Variants in CAB39L observed in about 807,000 individuals in gnomAD.
CAB39L encodes the protein calcium binding protein 39 like.
A neutral mutation model predicts 39.1 loss-of-function variants in CAB39L; 23 were observed. That is an observed-to-expected ratio of 0.59 (90% CI 0.42 to 0.83). CAB39L has a LOEUF of 0.83. CAB39L is among the 40% of genes least tolerant of loss of function. The pLI is 0.00. For synonymous variants in CAB39L, 126 were observed against 137.2 expected (o/e 0.92, Z 0.57); for missense variants, 366 against 391.9 (o/e 0.93, Z 0.56).
chr13:49,345,565 C>T (rs1955124685), intron 7 of CAB39L, among the ~76,000 whole-genome samples: 1 of 152,106 alleles, frequency 6.6e-6, no homozygotes, highest in African/African-American at 2.4e-5. Flanking sequence ...ATCAGGGGAC[C>T]CTTGAAAGAG....
At chr13:49,389,598 C>T (rs1190387561) in intron 3 of CAB39L, among the ~76,000 whole-genome samples, 1 of 152,122 alleles carries the variant, frequency 6.6e-6, no homozygotes, top group African/African-American at 2.4e-5. Context: ...CCAAGATGTG[C>T]CACTGCACTC....
At chr13:49,332,813 A>G (rs1196096678) in intron 9 of CAB39L, among the ~76,000 whole-genome samples, 1 of 151,846 alleles carries the variant, frequency 6.6e-6, no homozygotes, top group Non-Finnish European at 1.5e-5. Context: ...ACAGAATTAT[A>G]GCCCCCTGGC....
intron 3 of CAB39L, among the ~76,000 whole-genome samples, chr13:49,393,843 A>G (rs529539598): frequency 1.3e-5 from 2 of 151,976 alleles, no homozygotes; most frequent in Non-Finnish European, 2.9e-5. Context: ...ATAAGCAAGA[A>G]TAACAAATTT....
intron 10 of CAB39L, among the ~76,000 whole-genome samples, chr13:49,330,606 C>T (rs1954664183): frequency 6.6e-6 from 1 of 152,008 alleles, no homozygotes; most frequent in African/African-American, 2.4e-5. Flanking sequence ...GCCTGGGCAA[C>T]AGAGCGAGAC....
intron 3 of CAB39L, among the ~76,000 whole-genome samples, chr13:49,385,715 C>T (rs1307351256): frequency 6.6e-6 from 1 of 152,108 alleles, no homozygotes; most frequent in Non-Finnish European, 1.5e-5. Context: ...AACAGGGAGG[C>T]CTGAGGAAAG....
intron 8 of CAB39L, among the ~76,000 whole-genome samples, chr13:49,340,840 T>C (rs981925351): frequency 6.6e-6 from 1 of 152,228 alleles, no homozygotes. Context: ...TCTGAAAGGT[T>C]TGAAGGGGCA....
intron 10 of CAB39L, among the ~76,000 whole-genome samples, chr13:49,315,327 C>G (rs1035865885): frequency 6.6e-6 from 1 of 151,944 alleles, no homozygotes; most frequent in African/African-American, 2.4e-5. Flanking sequence ...CCAGGGGACC[C>G]ATAACAGAGA....
At chr13:49,407,662 A>G (rs1210040735) in intron 3 of CAB39L, among the ~76,000 whole-genome samples, 2 of 151,908 alleles carry the variant, frequency 1.3e-5, no homozygotes, top group Non-Finnish European at 2.9e-5. Flanking sequence ...ATTTTACTTT[A>G]TTGGTTTTAC....
intron 3 of CAB39L, among the ~76,000 whole-genome samples, chr13:49,392,278 G>A (rs561268115): frequency 1.3e-5 from 2 of 151,994 alleles, no homozygotes; most frequent in South Asian, 2.1e-4. Flanking sequence ...TACAATAAAG[G>A]CTATATTAAA....
intron 4 of CAB39L, among the ~76,000 whole-genome samples, chr13:49,380,552 G>A (rs1259186522): frequency 6.6e-6 from 1 of 152,196 alleles, no homozygotes; most frequent in Non-Finnish European, 1.5e-5. Context: ...TCTTTTGGGA[G>A]TGATGAAAAT....
At chr13:49,437,183 T>C (rs1297719611) in intron 1 of CAB39L, among the ~76,000 whole-genome samples, 2 of 152,248 alleles carry the variant, frequency 1.3e-5, no homozygotes, top group Non-Finnish European at 2.9e-5. Context: ...AAACCAGATA[T>C]AGTTGTGTAT....
At chr13:49,364,286 T>C (rs1442673846) in intron 5 of CAB39L, among the ~76,000 whole-genome samples, 1 of 152,140 alleles carries the variant, frequency 6.6e-6, no homozygotes, top group Non-Finnish European at 1.5e-5. Context: ...TTGGAAGTCT[T>C]AGCTAGAGCA....
Position 49,359,849 on chromosome 13 carries a change from CAG to C in CAB39L, c.277-19_277-18del, listed in dbSNP as rs780196919. ...TTTTTTTCCCTGTTAAAGAAACAAA[CAG>C]AAATTAAATTGTACACTCTAAATGG... On this transcript the variant is annotated intron_variant, in intron 5 of 10. Coordinates refer to ENST00000409308, the MANE Select transcript of CAB39L (RefSeq NM_001079670.3). 25 of 1,425,476 alleles carry C rather than the reference CAG, an allele frequency of 1.8e-5. No homozygotes were observed. Among genetic ancestry groups the C allele is most frequent in the Non-Finnish European group, 2.4e-5 (24 of 1,010,122 alleles). 88.3% of individuals were successfully genotyped at this position (1,425,476 alleles called of 1,614,324 possible).
At position 49,377,673 on chromosome 13, in the gene CAB39L, C is replaced by T. The variant is rs1379822432; in HGVS notation, c.112-542G>A. Among the ~76,000 whole-genome samples the T allele has an allele frequency of 1.6e-4, 13 of 79,376 alleles. 2 individuals carry two copies. Among genetic ancestry groups the T allele is most frequent in the Admixed American group, 1.4e-3 (13 of 8,980 alleles). The allele number at this position is 79,376 out of a possible 152,430, so 52.1% of individuals were successfully genotyped here. On this transcript the variant is annotated intron_variant, in intron 4 of 10. Coordinates refer to ENST00000409308, the MANE Select transcript of CAB39L (RefSeq NM_001079670.3). ...CCTCCCGAGGTGCCGGGATTGCAGACGGAGTCTCGTTCACTCAGTGCTCAA... is the reference window on the plus strand; with the variant it reads ...CCTCCCGAGGTGCCGGGATTGCAGATGGAGTCTCGTTCACTCAGTGCTCAA...
At chr13:49,443,888 C>T (rs1387951351) in intron 1 of CAB39L, 98 bp downstream of exon 1, 1 of 456,074 alleles carries the variant, frequency 2.2e-6, no homozygotes, top group African/African-American at 2.0e-5. Flanking sequence ...CCCCATTGTT[C>T]TCTCCGGACC....
intron 3 of CAB39L, among the ~76,000 whole-genome samples, chr13:49,405,344 A>G (rs1956849314): frequency 6.6e-6 from 1 of 152,176 alleles, no homozygotes; most frequent in South Asian, 2.1e-4. Flanking sequence ...ATATCCTTCA[A>G]ACATGAAGGA....
chr13:49,335,775 T>C (rs146691840), intron 9 of CAB39L, among the ~76,000 whole-genome samples: 1 of 152,300 alleles, frequency 6.6e-6, no homozygotes. Flanking sequence ...ATTCCAAAGC[T>C]CTGTCACATG....
chr13:49,415,266 C>T (rs765467948), intron 3 of CAB39L, among the ~76,000 whole-genome samples: 1 of 151,296 alleles, frequency 6.6e-6, no homozygotes, highest in Non-Finnish European at 1.5e-5. Flanking sequence ...CCTGTAATCC[C>T]AGCACTTTGG....
At chr13:49,413,487 A>T (rs1029982455) in intron 3 of CAB39L, among the ~76,000 whole-genome samples, 4 of 152,232 alleles carry the variant, frequency 2.6e-5, no homozygotes, top group African/African-American at 9.6e-5. Context: ...AAAATTTTTT[A>T]GCAAAAATGC....
Sources: gnomAD v4.1 joint callset for allele counts (sites outside exome capture counted in the v4.1 genomes callset) on GRCh38, gnomAD v4.1.1 for gene constraint, MANE v1.5 for transcripts, NCBI Gene and HGNC (gene_info 2026-07-23, HGNC 2026-07-21) for gene names.